Variants in ACSM4 observed in about 807,000 individuals in gnomAD.
ACSM4 encodes the protein acyl-CoA synthetase medium chain family member 4, also known as acyl-coenzyme A synthetase ACSM4, mitochondrial.
A neutral mutation model predicts 73.0 loss-of-function variants in ACSM4; 66 were observed. That is an observed-to-expected ratio of 0.90 (90% CI 0.74 to 1.11). The LOEUF (loss-of-function observed/expected upper bound fraction) is 1.11, where lower values mean the gene tolerates loss of function less well. Among genes scored for constraint, ACSM4 ranks in the 50% least tolerant of loss-of-function variants. The probability of loss-of-function intolerance (pLI) is 0.00; values close to 1 mark genes in which losing one functional copy is unlikely to be tolerated. For synonymous variants in ACSM4, 222 were observed against 254.0 expected (o/e 0.87, Z 1.20); for missense variants, 645 against 714.4 (o/e 0.90, Z 1.11).
At chr12:7,315,832 G>T (rs1274221131) in intron 3 of ACSM4, among the ~76,000 whole-genome samples, 3 of 152,136 alleles carry the variant, frequency 2.0e-5, no homozygotes, top group Non-Finnish European at 1.5e-5. Context: ...TGGGGCTCAA[G>T]TATCCAAGGT....
intron 3 of ACSM4, among the ~76,000 whole-genome samples, chr12:7,311,778 C>T (rs1254704668): frequency 6.6e-6 from 1 of 152,154 alleles, no homozygotes; most frequent in Non-Finnish European, 1.5e-5. Context: ...GCAACCTCCA[C>T]CTCCGGGTTA....
chr12:7,322,851 G>C (rs1048707397), intron 7 of ACSM4, among the ~76,000 whole-genome samples: 1 of 152,122 alleles, frequency 6.6e-6, no homozygotes, highest in Non-Finnish European at 1.5e-5. Flanking sequence ...CTCTGAGAGC[G>C]TCCATGGGAA....
chr12:7,313,685 G>A (rs1344493544), intron 3 of ACSM4, among the ~76,000 whole-genome samples: 2 of 152,150 alleles, frequency 1.3e-5, no homozygotes, highest in African/African-American at 2.4e-5. Context: ...TTCTGATCAT[G>A]AGGGGTTCAA....
intron 6 of ACSM4, among the ~76,000 whole-genome samples, 190 bp from the exon 7 acceptor site, chr12:7,322,228 C>T (rs904326098): frequency 6.6e-6 from 1 of 152,168 alleles, no homozygotes; most frequent in African/African-American, 2.4e-5. Context: ...GTTATAATCA[C>T]TAATGTGCCC....
chr12:7,317,974 ATTTT>A (rs1030184762), intron 4 of ACSM4, 48 bp from the exon 5 acceptor site: 108 of 1,585,520 alleles, frequency 6.8e-5, no homozygotes, highest in Middle Eastern at 5.9e-4. Flanking sequence ...CCAGTTTGTA[ATTTT>A]TGTTTGTTTA....
At chr12:7,327,315 TCA>T (rs1292475119) in intron 12 of ACSM4, among the ~76,000 whole-genome samples, 1 of 152,186 alleles carries the variant, frequency 6.6e-6, no homozygotes, top group Non-Finnish European at 1.5e-5. Flanking sequence ...CAATACTGAA[TCA>T]CTACTAAGAG....
intron 2 of ACSM4, among the ~76,000 whole-genome samples, chr12:7,309,283 T>C (rs553818847): frequency 1.1e-4 from 16 of 152,192 alleles, no homozygotes; most frequent in Admixed American, 2.6e-4. Flanking sequence ...AGAAGAGGGC[T>C]GGCTCTGCCA....
At chr12:7,306,352 G>A (rs1187354661) in intron 1 of ACSM4, among the ~76,000 whole-genome samples, 181 bp from the exon 2 acceptor site, 5 of 152,154 alleles carry the variant, frequency 3.3e-5, no homozygotes, top group African/African-American at 1.2e-4. Flanking sequence ...AGCAACCTGA[G>A]GGATTCTCTT....
intron 9 of ACSM4, 70 bp from the exon 10 acceptor site, chr12:7,324,203 C>A: frequency 6.4e-7 from 1 of 1,559,508 alleles, no homozygotes; most frequent in Non-Finnish European, 8.7e-7. Context: ...ATGTACTAGT[C>A]ACTTAATGAG....
rs73270525 is a variant in ACSM4, at chr12:7,317,286, G to A, written c.764+6G>A. 5.6e-3 allele frequency: 8,678 copies of A among 1,549,936 alleles called. 432 individuals carry two copies. The African/African-American group carries it at 0.11, about 19-fold the overall frequency. Reference sequence around the variant, plus strand: ...GGGTTCACCCTCTGCGGAAGGTAGGGAAGAAAATTCAGTTTGTTTTTGGTG... The same window carrying A: ...GGGTTCACCCTCTGCGGAAGGTAGGAAAGAAAATTCAGTTTGTTTTTGGTG... On this transcript the variant is annotated splice_donor_region_variant and intron_variant, in intron 4 of 12. Coordinates refer to ENST00000399422, the MANE Select transcript of ACSM4 (RefSeq NM_001080454.2).
chr12:7,326,696 A>G (rs1282266806), intron 11 of ACSM4, among the ~76,000 whole-genome samples: 14 of 152,228 alleles, frequency 9.2e-5, no homozygotes, highest in Admixed American at 8.5e-4. Context: ...AAATAGGATC[A>G]GTCTGATTGA....
chr12:7,322,911 G>T (rs996325730), intron 7 of ACSM4, among the ~76,000 whole-genome samples: 2 of 152,220 alleles, frequency 1.3e-5, no homozygotes, highest in East Asian at 3.9e-4. Flanking sequence ...TTTTCAAAGT[G>T]TGGCCCTCAA....
Position 7,308,272 on chromosome 12 carries a change from T to C in ACSM4, c.412+1529T>C, listed in dbSNP as rs762564225. On this transcript the variant is annotated intron_variant, in intron 2 of 12. Transcript: ENST00000399422. ...TGGATTGAGAGTAGATTAAAGGTGA[T>C]TTGTTATAAAAAATATGTAATATTG... 1.6e-3 allele frequency among the ~76,000 whole-genome samples: 241 copies of C among 152,302 alleles called. 1 individual carries two copies. The highest frequency in any genetic ancestry group is 5.4e-3 in the African/African-American group (226 of 41,574).
At chr12:7,320,866 C>A in intron 6 of ACSM4, 62 bp downstream of exon 6, 1 of 1,388,846 alleles carries the variant, frequency 7.2e-7, no homozygotes, top group Non-Finnish European at 1.0e-6. Context: ...GATCACAGAT[C>A]TCTCTTTTTC....
At position 7,306,539 on chromosome 12, in the gene ACSM4, G is replaced by A. The variant is rs374650478; in HGVS notation, c.208G>A (p.Glu70Lys). 2.8e-4 allele frequency: 448 copies of A among 1,592,104 alleles called. 6 individuals are homozygous for A. In the South Asian group the frequency reaches 4.9e-3, roughly 17 times the overall value. The change falls in exon 2 of 13, where the codon GAG becomes AAG. Residue 70 changes from glutamate to lysine, a missense_variant. Physicochemically the swap from Glu to Lys is moderately conservative, Grantham distance 56 (BLOSUM62 1). Coordinates refer to ENST00000399422, the MANE Select transcript of ACSM4 (RefSeq NM_001080454.2). ...TCCATGTGTCCCTGGTCAGACAGGG[G>A]AGAGACCAGCTAACCCAGCCCTGTG... ...DQWSQKEKTG[E>K]RPANPALWWV...
chr12:7,320,176 C>T (rs1439397964), intron 5 of ACSM4, among the ~76,000 whole-genome samples: 1 of 152,138 alleles, frequency 6.6e-6, no homozygotes, highest in Non-Finnish European at 1.5e-5. Context: ...TTTAAGATGC[C>T]TAGGCCATAT....
At chr12:7,310,403 C>A in intron 2 of ACSM4, 136 bp from the exon 3 acceptor site, 1 of 816,942 alleles carries the variant, frequency 1.2e-6, no homozygotes. Flanking sequence ...TGTGCAATAT[C>A]CTTGGGCATC....
At chr12:7,318,950 T>C (rs758547906) in intron 5 of ACSM4, among the ~76,000 whole-genome samples, 156 of 152,308 alleles carry the variant, frequency 1.0e-3, no homozygotes, top group African/African-American at 3.5e-3. Context: ...GAAGACAATT[T>C]TCCCATGGAC....
intron 11 of ACSM4, among the ~76,000 whole-genome samples, chr12:7,324,910 T>C (rs1420309398): frequency 1.3e-5 from 2 of 152,186 alleles, no homozygotes; most frequent in Non-Finnish European, 2.9e-5. Flanking sequence ...TCATGTGAGG[T>C]TGGCAAGATT....
Sources: allele counts gnomAD v4.1 joint callset (sites outside exome capture counted in the v4.1 genomes callset), GRCh38; gene constraint gnomAD v4.1.1; transcripts MANE v1.5; gene names NCBI Gene and HGNC (gene_info 2026-07-23, HGNC 2026-07-21).